ARHGAP10: variants seen among roughly 807,000 people sequenced by gnomAD.
ARHGAP10 encodes rho GTPase-activating protein 10.
Under a neutral mutation model 108.6 loss-of-function variants are expected in ARHGAP10, and 87 were observed. That is an observed-to-expected ratio of 0.80 (90% CI 0.67 to 0.96). ARHGAP10 has a LOEUF of 0.96. ARHGAP10 is among the 40% of genes least tolerant of loss of function. The probability of loss-of-function intolerance (pLI) is 0.00; values close to 1 mark genes in which losing one functional copy is unlikely to be tolerated. For missense variants in ARHGAP10, 939 were observed against 954.5 expected, an observed-to-expected ratio of 0.98 and a Z score of 0.21; for synonymous variants, 347 against 341.1, an observed-to-expected ratio of 1.02 and a Z score of -0.19.
chr4:147,983,358 TG>T (rs1385711585), intron 18 of ARHGAP10, among the ~76,000 whole-genome samples: 1 of 152,008 alleles, frequency 6.6e-6, no homozygotes, highest in Non-Finnish European at 1.5e-5. Context: ...GCTAATTTTT[TG>T]TATTTTTAGT....
chr4:148,058,290 G>T (rs1426093778), intron 20 of ARHGAP10, among the ~76,000 whole-genome samples: 1 of 152,094 alleles, frequency 6.6e-6, no homozygotes, highest in East Asian at 1.9e-4. Context: ...ATCTTTCATT[G>T]CAGTGCAAAC....
intron 1 of ARHGAP10, among the ~76,000 whole-genome samples, chr4:147,744,360 G>A (rs957028363): frequency 2.0e-4 from 30 of 151,906 alleles, no homozygotes; most frequent in Non-Finnish European, 1.2e-4. Flanking sequence ...TCTGCATTGA[G>A]GATAAGAATG....
At chr4:147,969,116 C>G (rs1163709119) in intron 18 of ARHGAP10, among the ~76,000 whole-genome samples, 2 of 152,118 alleles carry the variant, frequency 1.3e-5, no homozygotes, top group African/African-American at 4.8e-5. Flanking sequence ...GGGAAAGAGA[C>G]AGGCAAACAG....
chr4:147,968,521 C>T (rs1334167092), intron 18 of ARHGAP10, among the ~76,000 whole-genome samples: 2 of 152,228 alleles, frequency 1.3e-5, no homozygotes, highest in African/African-American at 2.4e-5. Context: ...AGTGGGCTCA[C>T]CTGCATTCCT....
At chr4:147,770,567 T>C (rs891618217) in intron 1 of ARHGAP10, among the ~76,000 whole-genome samples, 6 of 152,196 alleles carry the variant, frequency 3.9e-5, no homozygotes, top group Non-Finnish European at 8.8e-5. Context: ...TGGCTATATC[T>C]CTGTATCCTG....
intron 7 of ARHGAP10, among the ~76,000 whole-genome samples, chr4:147,872,879 C>G (rs1190515989): frequency 6.6e-6 from 1 of 152,286 alleles, no homozygotes; most frequent in South Asian, 2.1e-4. Context: ...AAAGTTCAAG[C>G]CTGTGTTAAG....
chr4:148,070,605 T>C (rs1196831269), intron 22 of ARHGAP10, among the ~76,000 whole-genome samples: 1 of 152,018 alleles, frequency 6.6e-6, no homozygotes, highest in East Asian at 1.9e-4. Flanking sequence ...CACAAATCTA[T>C]GGGGAAAAAA....
intron 18 of ARHGAP10, among the ~76,000 whole-genome samples, chr4:148,013,220 C>A (rs377340042): frequency 2.6e-5 from 4 of 152,090 alleles, no homozygotes; most frequent in South Asian, 2.1e-4. Context: ...AGCTGAAATG[C>A]AAATGGAAAA....
intron 1 of ARHGAP10, among the ~76,000 whole-genome samples, chr4:147,771,838 CTGT>C: frequency 6.6e-6 from 1 of 152,182 alleles, no homozygotes; most frequent in African/African-American, 2.4e-5. Context: ...TGTCACCAGG[CTGT>C]AGTGCAGTGG....
intron 18 of ARHGAP10, among the ~76,000 whole-genome samples, chr4:148,014,472 T>G (rs1741278497): frequency 1.3e-5 from 2 of 152,220 alleles, no homozygotes; most frequent in Non-Finnish European, 2.9e-5. Flanking sequence ...GTGATGCAGC[T>G]TTGGCTTAAT....
At chr4:147,959,771 A>G (rs944727952) in intron 16 of ARHGAP10, among the ~76,000 whole-genome samples, 1 of 152,132 alleles carries the variant, frequency 6.6e-6, no homozygotes, top group African/African-American at 2.4e-5. Context: ...TTTTGACTCT[A>G]TTTTTCAAAA....
chr4:147,984,296 C>T (rs187149059), intron 18 of ARHGAP10, among the ~76,000 whole-genome samples: 2 of 152,318 alleles, frequency 1.3e-5, no homozygotes, highest in East Asian at 3.9e-4. Context: ...GGAGAAGCCC[C>T]AGGAAGCAGT....
chr4:147,913,024 A>G (rs1736820016), intron 12 of ARHGAP10, 50 bp from the exon 13 acceptor site: 2 of 1,498,018 alleles, frequency 1.3e-6, no homozygotes, highest in East Asian at 4.5e-5. Context: ...AGGAAGAGAA[A>G]TGTGATAAAT....
At chr4:147,845,934 C>T (rs934208634) in intron 3 of ARHGAP10, among the ~76,000 whole-genome samples, 2 of 152,128 alleles carry the variant, frequency 1.3e-5, no homozygotes, top group African/African-American at 4.8e-5. Flanking sequence ...TTTGCCATTG[C>T]TGTAGGTCAC....
chr4:147,821,885 TGAA>T (rs796105999), intron 1 of ARHGAP10, among the ~76,000 whole-genome samples: 1 of 152,362 alleles, frequency 6.6e-6, no homozygotes, highest in African/African-American at 2.4e-5. Flanking sequence ...CCAGTGGTTC[TGAA>T]GAAGAAGCAA....
intron 10 of ARHGAP10, among the ~76,000 whole-genome samples, chr4:147,882,537 C>T (rs146698043): frequency 3.9e-4 from 59 of 151,352 alleles, no homozygotes; most frequent in African/African-American, 1.3e-3. Context: ...AGAACAATGG[C>T]GAGAGGAACT....
chr4:147,873,670 A>C (rs1441008041), intron 7 of ARHGAP10, among the ~76,000 whole-genome samples: 2 of 142,240 alleles, frequency 1.4e-5, no homozygotes, highest in Non-Finnish European at 3.0e-5. Flanking sequence ...CTACAAAAAA[A>C]CAAAAAACAA....
chr4:147,814,044 A>C (rs777221811), intron 1 of ARHGAP10, among the ~76,000 whole-genome samples: 16 of 152,044 alleles, frequency 1.1e-4, no homozygotes, highest in Non-Finnish European at 2.4e-4. Flanking sequence ...CTCCTGTGAA[A>C]TTTGCAAATC....
intron 5 of ARHGAP10, chr4:147,864,554 A>G: frequency 4.1e-6 from 1 of 242,426 alleles, no homozygotes; most frequent in East Asian, 9.6e-5. Context: ...GGTCAACTTC[A>G]ACAAACAGAG....
Sources: gnomAD v4.1 joint callset for allele counts (sites outside exome capture counted in the v4.1 genomes callset) on GRCh38, gnomAD v4.1.1 for gene constraint, MANE v1.5 for transcripts, NCBI Gene and HGNC (gene_info 2026-07-23, HGNC 2026-07-21) for gene names.